ZNRF3: variants seen among roughly 807,000 people sequenced by gnomAD.
ZNRF3 encodes the protein zinc and ring finger 3.
Under a neutral mutation model 72.5 loss-of-function variants are expected in ZNRF3, and 23 were observed. That is an observed-to-expected ratio of 0.32 (90% CI 0.23 to 0.45). The LOEUF (loss-of-function observed/expected upper bound fraction) is 0.45, where lower values mean the gene tolerates loss of function less well. Among genes scored for constraint, ZNRF3 ranks in the 20% least tolerant of loss-of-function variants. The probability of loss-of-function intolerance (pLI) is 1.00; values close to 1 mark genes in which losing one functional copy is unlikely to be tolerated. For missense variants in ZNRF3, 1,169 were observed against 1,272.1 expected, an observed-to-expected ratio of 0.92 and a Z score of 1.23; for synonymous variants, 610 against 545.3, an observed-to-expected ratio of 1.12 and a Z score of -1.65.
intron 1 of ZNRF3, among the ~76,000 whole-genome samples, chr22:28,957,479 G>A (rs558487438): frequency 7.2e-5 from 11 of 152,034 alleles, no homozygotes; most frequent in Admixed American, 2.6e-4. Context: ...TCGCCCTGTC[G>A]CCCAGGCTGG....
chr22:29,052,862 A>G (rs1018095560), intron 8 of ZNRF3, among the ~76,000 whole-genome samples: 6 of 152,102 alleles, frequency 3.9e-5, no homozygotes, highest in African/African-American at 1.2e-4. Context: ...ACGGTGACAC[A>G]TGCCATTAGT....
At chr22:29,051,880 C>CAAA (rs758308347) in intron 8 of ZNRF3, among the ~76,000 whole-genome samples, 1 of 83,614 alleles carries the variant, frequency 1.2e-5, no homozygotes, top group Non-Finnish European at 2.4e-5. Flanking sequence ...GACTCCATCT[C>CAAA]AAAAAAAAAA....
At chr22:28,908,762 A>G (rs1302321279) in intron 1 of ZNRF3, among the ~76,000 whole-genome samples, 4 of 151,976 alleles carry the variant, frequency 2.6e-5, no homozygotes, top group African/African-American at 9.7e-5. Flanking sequence ...CAATGATAAG[A>G]CCTGTGCTTT....
intron 1 of ZNRF3, among the ~76,000 whole-genome samples, chr22:28,912,270 TG>T (rs1213588425): frequency 6.6e-6 from 1 of 152,206 alleles, no homozygotes; most frequent in Non-Finnish European, 1.5e-5. Flanking sequence ...GGGCAAGAGG[TG>T]CAGAATGGAC....
intron 1 of ZNRF3, among the ~76,000 whole-genome samples, chr22:28,963,636 A>G (rs1423145019): frequency 6.6e-6 from 1 of 152,134 alleles, no homozygotes; most frequent in East Asian, 1.9e-4. Context: ...TTTTGGGAGG[A>G]TTAATGACAT....
Position 29,006,814 on chromosome 22 carries a change from G to A in ZNRF3, c.426+19613G>A, listed in dbSNP as rs187961713. Among the ~76,000 whole-genome samples the A allele has an allele frequency of 1.7e-4, 26 of 152,318 alleles. No individual in the cohort carries two copies. The East Asian group carries it at 4.2e-3, about 25-fold the overall frequency. Reference sequence around the variant, plus strand: ...AGCTTCCATCATTGTACCAAAATCTGTCTTCTCTGGCCACATGTAGCATTT... The same window carrying A: ...AGCTTCCATCATTGTACCAAAATCTATCTTCTCTGGCCACATGTAGCATTT... On this transcript the variant is annotated intron_variant, in intron 2 of 8. Transcript: ENST00000544604.
At chr22:28,887,814 A>G (rs921266255) in intron 1 of ZNRF3, among the ~76,000 whole-genome samples, 2 of 152,224 alleles carry the variant, frequency 1.3e-5, no homozygotes, top group Non-Finnish European at 2.9e-5. Flanking sequence ...TGAGATCATT[A>G]TCTGAAACTT....
rs1324746464 is a variant in ZNRF3, at chr22:28,986,765, G to A, written c.301-311G>A. 3 of 602,620 alleles carry A rather than the reference G, an allele frequency of 5.0e-6. No homozygotes were observed. The East Asian group carries it at 4.2e-4, about 84-fold the overall frequency. 37.3% of individuals were successfully genotyped at this position (602,620 alleles called of 1,614,324 possible). On this transcript the variant is annotated intron_variant, in intron 1 of 8. Transcript: ENST00000544604. ...TGGTATTTCACAGCAATTTAGATTG[G>A]CATTTATATGGGAATTGTGCTGTTT...
In ZNRF3 at chr22:28,883,672, A is replaced by C; in HGVS notation, c.-95A>C. ...CAAAGCCGCCGCCGCCGCCGCCGTG[A>C]TGGGGCTGTGAGGCGTCCGCCCGCG... On this transcript the variant is annotated 5_prime_UTR_variant, in exon 1 of 9. It removes an upstream start codon present in the reference 5' UTR. Coordinates refer to ENST00000544604, the MANE Select transcript of ZNRF3 (RefSeq NM_001206998.2). The surrounding 1 kb of genome is among the most constrained non-coding windows in gnomAD (Gnocchi z 5.5). The C allele has an allele frequency of 2.2e-6, 2 of 918,040 alleles. No homozygotes were observed. The highest frequency in any genetic ancestry group is 2.6e-6 in the Non-Finnish European group (2 of 770,364). 56.9% of individuals were successfully genotyped at this position (918,040 alleles called of 1,614,324 possible).
At chr22:28,958,567 A>C (rs1044197341) in intron 1 of ZNRF3, among the ~76,000 whole-genome samples, 1 of 152,200 alleles carries the variant, frequency 6.6e-6, no homozygotes, top group Non-Finnish European at 1.5e-5. Context: ...TCTCCTGCCC[A>C]CCTCACAGGG....
intron 2 of ZNRF3, among the ~76,000 whole-genome samples, chr22:28,988,139 A>G (rs1470791628): frequency 6.6e-6 from 1 of 152,180 alleles, no homozygotes; most frequent in Non-Finnish European, 1.5e-5. Flanking sequence ...TGTTAAAAGG[A>G]GAGGTTCAGA....
intron 1 of ZNRF3, among the ~76,000 whole-genome samples, chr22:28,886,739 G>A (rs755174543): frequency 6.6e-5 from 10 of 152,022 alleles, no homozygotes; most frequent in Non-Finnish European, 1.2e-4. Flanking sequence ...CAGGAGGATT[G>A]CTTGAGCCTA....
intron 1 of ZNRF3, among the ~76,000 whole-genome samples, chr22:28,942,236 C>T (rs1380992405): frequency 1.3e-5 from 2 of 152,226 alleles, no homozygotes; most frequent in African/African-American, 4.8e-5. Context: ...TGTGATGTGA[C>T]GCGATGCCGA....
At chr22:28,929,625 A>G (rs1187147028) in intron 1 of ZNRF3, among the ~76,000 whole-genome samples, 3 of 152,236 alleles carry the variant, frequency 2.0e-5, no homozygotes, top group African/African-American at 7.2e-5. Context: ...AATAAGCCCC[A>G]TCCCAATCTG....
At position 29,053,438 on chromosome 22, in the gene ZNRF3, C is replaced by A. The variant is rs561505338; in HGVS notation, c.2768-141C>A. The A allele has an allele frequency of 2.0e-5, 14 of 691,666 alleles. No individual in the cohort carries two copies. In the Admixed American group the frequency reaches 3.4e-4, roughly 17 times the overall value. The allele number at this position is 691,666 out of a possible 1,614,324, so 42.8% of individuals were successfully genotyped here. A position where few individuals can be genotyped will look rare whatever the true frequency, so the allele number is the denominator to read the frequency against. On this transcript the variant is annotated intron_variant, in intron 8 of 8. Transcript: ENST00000544604. ...TGTGCTCTCAGCACAAATGGAGCCC[C>A]TCTGGGAACAGGAACCTGCTTCAGC...
At chr22:28,986,938 G>T in intron 1 of ZNRF3, 138 bp from the exon 2 acceptor site, 1 of 1,162,900 alleles carries the variant, frequency 8.6e-7, no homozygotes. Context: ...AATTCCCCTT[G>T]GGTTGAAAAA....
At chr22:28,982,882 T>C (rs1390672221) in intron 1 of ZNRF3, among the ~76,000 whole-genome samples, 1 of 152,138 alleles carries the variant, frequency 6.6e-6, no homozygotes, top group African/African-American at 2.4e-5. Flanking sequence ...GAGACCTGAA[T>C]CGTATAATAT....
chr22:28,956,109 G>A (rs1385156010), intron 1 of ZNRF3, among the ~76,000 whole-genome samples: 1 of 152,118 alleles, frequency 6.6e-6, no homozygotes, highest in East Asian at 1.9e-4. Flanking sequence ...GATGGCTGGC[G>A]ACGGGGATGT....
At chr22:28,973,894 T>G (rs1314427930) in intron 1 of ZNRF3, among the ~76,000 whole-genome samples, 1 of 151,184 alleles carries the variant, frequency 6.6e-6, no homozygotes, top group Non-Finnish European at 1.5e-5. Flanking sequence ...TGGTTCCTTG[T>G]AAGAAATTCT....
Sources: allele counts gnomAD v4.1 joint callset (sites outside exome capture counted in the v4.1 genomes callset), GRCh38; gene constraint gnomAD v4.1.1; non-coding constraint Gnocchi (gnomAD v3.1); transcripts MANE v1.5; gene names NCBI Gene and HGNC (gene_info 2026-07-23, HGNC 2026-07-21).